Variants in ZFC3H1 observed in about 807,000 individuals in gnomAD.
The protein encoded by ZFC3H1 is zinc finger C3H1-type containing, also known as zinc finger C3H1 domain-containing protein.
A neutral mutation model predicts 243.7 loss-of-function variants in ZFC3H1; 71 were observed. That is an observed-to-expected ratio of 0.29 (90% confidence interval 0.24 to 0.36). The LOEUF is 0.36. ZFC3H1 is among the 10% of genes least tolerant of loss of function. ZFC3H1 has a pLI of 1.00. For synonymous variants in ZFC3H1, 838 were observed against 813.0 expected, an observed-to-expected ratio of 1.03 and a Z score of -0.52; for missense variants, 1,966 against 2,317.1, an observed-to-expected ratio of 0.85 and a Z score of 3.11.
At chr12:71,630,778 C>G (rs1218336774) in intron 17 of ZFC3H1, 45 bp downstream of exon 17, 1 of 1,607,330 alleles carries the variant, frequency 6.2e-7, no homozygotes, top group Non-Finnish European at 8.5e-7. Flanking sequence ...GTTAAGCAAA[C>G]AAGACCATTT....
chr12:71,662,533 A>G (rs1291278138), intron 1 of ZFC3H1, among the ~76,000 whole-genome samples: 9 of 147,638 alleles, frequency 6.1e-5, no homozygotes, highest in Non-Finnish European at 1.3e-4. Flanking sequence ...ACCGGAATAA[A>G]TCAAGATAAA....
At position 71,613,447 on chromosome 12, in the gene ZFC3H1, G is replaced by A. The variant is rs770586974; in HGVS notation, c.5527-12C>T. The A allele has an allele frequency of 1.3e-6, 2 of 1,567,994 alleles. No individual in the cohort carries two copies. Among genetic ancestry groups the A allele is most frequent in the Non-Finnish European group, 1.7e-6 (2 of 1,152,936 alleles). ...TAAAAGAAAATAACCTGTAAAGGTT[G>A]AGGGGGGCGAAAAATGAATGCAACC... is the stretch of plus-strand genomic sequence containing the variant. On this transcript the variant is annotated splice_polypyrimidine_tract_variant and intron_variant, in intron 30 of 34. Coordinates refer to ENST00000378743, the MANE Select transcript of ZFC3H1 (RefSeq NM_144982.5).
At chr12:71,644,710 T>C (rs1047284651) in intron 4 of ZFC3H1, among the ~76,000 whole-genome samples, 167 bp downstream of exon 4, 5 of 151,918 alleles carry the variant, frequency 3.3e-5, no homozygotes, top group African/African-American at 1.2e-4. Flanking sequence ...CCCAGCTACT[T>C]GGGAGGCTGA....
In ZFC3H1 at chr12:71,647,766, C is replaced by A. The variant is rs751035885; in HGVS notation, c.1063G>T (p.Asp355Tyr). 2.0e-6 allele frequency: 3 copies of A among 1,480,288 alleles called. No homozygotes were observed. In the South Asian group the frequency reaches 3.7e-5, roughly 18 times the overall value. The allele number at this position is 1,480,288 out of a possible 1,614,324, so 91.7% of individuals were successfully genotyped here. ...TATCTTACCTTTTCAGACAGAATATCTGAGGTACTAATTCTTCTTGTTAAA... is the reference window on the plus strand; with the variant it reads ...TATCTTACCTTTTCAGACAGAATATATGAGGTACTAATTCTTCTTGTTAAA... Reference protein sequence around the residue: ...QNLTRRISTSDILSEKKLGED... With the variant: ...QNLTRRISTSYILSEKKLGED... The change falls in exon 3 of 35, where the codon GAT (aspartate) becomes TAT (tyrosine). Residue 355 changes from aspartate (D) to tyrosine (Y), a missense_variant. By Grantham distance (160) the Asp-to-Tyr change is radical. This residue lies in a region of ZFC3H1 where 484 missense variants were observed against 449.7 expected (regional missense o/e 1.08). Coordinates refer to ENST00000378743, the MANE Select transcript of ZFC3H1 (RefSeq NM_144982.5).
intron 14 of ZFC3H1, 133 bp downstream of exon 14, chr12:71,632,753 T>C (rs1207517654): frequency 1.9e-5 from 27 of 1,389,472 alleles, no homozygotes; most frequent in South Asian, 4.2e-5. Flanking sequence ...TGGATGTCAT[T>C]TAAAAACAAA....
rs779459634 is a variant in ZFC3H1, at chr12:71,663,502, G to C, written c.109C>G (p.Arg37Gly). ...ISDDDNNSQI[R>G]SRSSSSSSGG... ...CTGCTGCTGCTGCTGCTCCGACTCC[G>C]TATCTGGCTGTTATTATCGTCGTCA... The change falls in exon 1 of 35, where the codon CGG (arginine) becomes GGG (glycine). Residue 37 changes from arginine to glycine, a missense_variant. Physicochemically the swap from Arg to Gly is moderately radical, Grantham distance 125. Transcript: ENST00000378743. The C allele has an allele frequency of 3.7e-6, 6 of 1,613,486 alleles. No individual in the cohort carries two copies. The South Asian group carries it at 6.6e-5, about 18-fold the overall frequency.
In ZFC3H1 at chr12:71,630,733, A is replaced by G. The variant is rs1880301916; in HGVS notation, c.3603-12T>C. ...CTTGTATATGCTGCCTAAGATAAAAAAAAACACAGAAAAGATAATCATGTA... is the reference window on the plus strand; with the variant it reads ...CTTGTATATGCTGCCTAAGATAAAAGAAAACACAGAAAAGATAATCATGTA... On this transcript the variant is annotated splice_polypyrimidine_tract_variant and intron_variant, in intron 17 of 34. Coordinates refer to ENST00000378743, the MANE Select transcript of ZFC3H1 (RefSeq NM_144982.5). 2 of 1,604,650 alleles carry G rather than the reference A, an allele frequency of 1.2e-6. No homozygotes were observed. Among genetic ancestry groups the G allele is most frequent in the South Asian group, 2.3e-5 (2 of 88,732 alleles).
chr12:71,625,003 C>G (rs1001002732), intron 22 of ZFC3H1, among the ~76,000 whole-genome samples: 1 of 152,024 alleles, frequency 6.6e-6, no homozygotes, highest in Non-Finnish European at 1.5e-5. Context: ...AAATGCATGA[C>G]AAAACACATT....
At chr12:71,654,273 C>T (rs1200482226) in intron 2 of ZFC3H1, among the ~76,000 whole-genome samples, 1 of 152,072 alleles carries the variant, frequency 6.6e-6, no homozygotes, top group African/African-American at 2.4e-5. Flanking sequence ...GACCCCGTCT[C>T]TACAGAAATT....
chr12:71,644,050 G>A, intron 5 of ZFC3H1, 45 bp downstream of exon 5: 1 of 1,502,534 alleles, frequency 6.7e-7, no homozygotes, highest in Non-Finnish European at 9.1e-7. Context: ...TGACTTTAAG[G>A]AAACTTAGAG....
At chr12:71,624,881 C>T (rs764212918) in intron 22 of ZFC3H1, among the ~76,000 whole-genome samples, 13 of 152,060 alleles carry the variant, frequency 8.5e-5, no homozygotes, top group Non-Finnish European at 1.8e-4. Context: ...GCAGGAGGAC[C>T]GCTTCAACCC....
At chr12:71,615,723 G>A (rs1879878609) in intron 27 of ZFC3H1, among the ~76,000 whole-genome samples, 2 of 152,014 alleles carry the variant, frequency 1.3e-5, no homozygotes, top group Admixed American at 1.3e-4. Flanking sequence ...TCACCATGTT[G>A]GCCAGGTTGG....
Position 71,634,759 on chromosome 12 carries a change from C to G in ZFC3H1, c.2305G>C (p.Ala769Pro). 1.2e-6 allele frequency: 2 copies of G among 1,607,758 alleles called. No individual in the cohort carries two copies. The highest frequency in any genetic ancestry group is 1.7e-6 in the Non-Finnish European group (2 of 1,177,504). ...KENDPLRTPE[A>P]LPEEKKIEYR... ...TCAATCTTCTTTTCTTCAGGCAAAG[C>G]CTCCGGTGTTCGCAGAGGATCATTT... Residue 769 changes from alanine to proline, a missense_variant, in exon 11 of 35, where the codon GCT (alanine) becomes CCT (proline). Transcript: ENST00000378743.
Position 71,611,800 on chromosome 12 carries a change from C to T in ZFC3H1, c.5715G>A (p.Leu1905=). The part of the protein sequence containing the change: ...KMFTYNIPTC[L]ATWKIAIAAE... ...TGTTGCATTACATTTTCCAGGTGGC[C>T]AGGCATGTTGGGATATTATATGTAA... Residue 1905 remains leucine, a synonymous_variant, in exon 32 of 35, where the codon CTG becomes CTA. Coordinates refer to ENST00000378743, the MANE Select transcript of ZFC3H1 (RefSeq NM_144982.5). The T allele has an allele frequency of 6.2e-7, 1 of 1,606,314 alleles. No homozygotes were observed. Among genetic ancestry groups the T allele is most frequent in the Non-Finnish European group, 8.5e-7 (1 of 1,175,434 alleles).
At position 71,610,398 on chromosome 12, in the gene ZFC3H1, T is replaced by G; in HGVS notation, c.*30A>C. ...ATTCAAATAATTTTGGCAATTATTA[T>G]AAGGACTTAGAACTGACTGCACCCA... is the stretch of plus-strand genomic sequence containing the variant. On this transcript the variant is annotated 3_prime_UTR_variant, in exon 35 of 35. Coordinates refer to ENST00000378743, the MANE Select transcript of ZFC3H1 (RefSeq NM_144982.5). 2 of 1,597,194 alleles carry G rather than the reference T, an allele frequency of 1.3e-6. No individual in the cohort carries two copies. Among genetic ancestry groups the G allele is most frequent in the Non-Finnish European group, 1.7e-6 (2 of 1,173,636 alleles).
chr12:71,663,488 G>A lies in ZFC3H1; in HGVS notation c.123C>T (p.Ser41=). The A allele has an allele frequency of 6.2e-7, 1 of 1,613,252 alleles. No individual in the cohort carries two copies. The highest frequency in any genetic ancestry group is 8.5e-7 in the Non-Finnish European group (1 of 1,180,042). ...ACAGCCCGCCGCCGCTGCTGCTGCT[G>A]CTGCTCCGACTCCGTATCTGGCTGT... ...DNNSQIRSRS[S]SSSSGGGLLP... The change falls in exon 1 of 35, where the codon AGC becomes AGT. Residue 41 remains serine (S), a synonymous_variant. Transcript: ENST00000378743.
rs1270577246 is a variant in ZFC3H1, at chr12:71,635,353, A to C, written c.2238+90T>G. Reference sequence around the variant, plus strand: ...CACAAATCAATGTTATTAAAAATCTATAACTTTATGGTTTAATTTTCAGGA... The same window carrying C: ...CACAAATCAATGTTATTAAAAATCTCTAACTTTATGGTTTAATTTTCAGGA... On this transcript the variant is annotated intron_variant, in intron 10 of 34. Coordinates refer to ENST00000378743, the MANE Select transcript of ZFC3H1 (RefSeq NM_144982.5). The C allele has an allele frequency of 2.8e-5, 41 of 1,465,000 alleles. No individual in the cohort carries two copies. The East Asian group carries it at 1.0e-3, about 36-fold the overall frequency. The allele number at this position is 1,465,000 out of a possible 1,614,324, so 90.8% of individuals were successfully genotyped here. A position where few individuals can be genotyped will look rare whatever the true frequency, so the allele number is the denominator to read the frequency against.
At chr12:71,659,653 A>G (rs2137566694) in intron 1 of ZFC3H1, among the ~76,000 whole-genome samples, 1 of 152,366 alleles carries the variant, frequency 6.6e-6, no homozygotes, top group South Asian at 2.1e-4. Flanking sequence ...AGGAAAAGCA[A>G]TTGAGTTACA....
At chr12:71,654,075 T>A (rs929855214) in intron 2 of ZFC3H1, among the ~76,000 whole-genome samples, 1 of 152,002 alleles carries the variant, frequency 6.6e-6, no homozygotes, top group African/African-American at 2.4e-5. Flanking sequence ...AGGGAAAATA[T>A]CTTTTAAAAA....
Sources: gnomAD v4.1 joint callset for allele counts (sites outside exome capture counted in the v4.1 genomes callset) on GRCh38, gnomAD v4.1.1 for gene constraint, gnomAD v4.1.1 regional missense constraint, MANE v1.5 for transcripts, NCBI Gene and HGNC (gene_info 2026-07-23, HGNC 2026-07-21) for gene names.